The following MARCHF7 variants were observed in gnomAD, a reference collection of about 807,000 sequenced individuals.
MARCHF7 encodes membrane associated ring-CH-type finger 7.
A neutral mutation model predicts 76.5 loss-of-function variants in MARCHF7; 20 were observed. The ratio of observed to expected loss-of-function variants is 0.26; its 90% CI spans 0.18 to 0.38. The LOEUF (loss-of-function observed/expected upper bound fraction) is 0.38, where lower values mean the gene tolerates loss of function less well. MARCHF7 is among the 10% of genes least tolerant of loss of function. MARCHF7 has a pLI of 1.00. For synonymous variants in MARCHF7, 295 were observed against 293.0 expected (o/e 1.01, Z -0.07); for missense variants, 797 against 812.9 (o/e 0.98, Z 0.24).
chr2:159,764,151 A>T (rs891193705), intron 10 of MARCHF7, among the ~76,000 whole-genome samples: 1 of 150,980 alleles, frequency 6.6e-6, no homozygotes, highest in African/African-American at 2.4e-5. Flanking sequence ...GATTTTTTTT[A>T]ATGTATAGAA....
At chr2:159,764,212 TTGTGTG>T (rs377705664) in intron 10 of MARCHF7, among the ~76,000 whole-genome samples, 11,449 of 138,506 alleles carry the variant, frequency 0.083, 483 homozygotes, top group Middle Eastern at 0.2. Context: ...CTTGGGAGTT[TTGTGTG>T]TGTGTGTGTG....
intron 3 of MARCHF7, among the ~76,000 whole-genome samples, chr2:159,719,407 C>T (rs1701385886): frequency 6.6e-6 from 1 of 151,814 alleles, no homozygotes; most frequent in Admixed American, 6.6e-5. Context: ...CGCCCACTCC[C>T]AATCCCCTGA....
chr2:159,726,884 A>C (rs1702236410), intron 3 of MARCHF7, among the ~76,000 whole-genome samples: 1 of 152,218 alleles, frequency 6.6e-6, no homozygotes, highest in Non-Finnish European at 1.5e-5. Flanking sequence ...TTAGTTATAT[A>C]AATACTTACC....
chr2:159,725,918 C>A (rs6732987), intron 3 of MARCHF7, among the ~76,000 whole-genome samples: 52,385 of 151,996 alleles, frequency 0.34, 9,234 homozygotes, highest in South Asian at 0.44. Flanking sequence ...GAAATCTTAT[C>A]ACGGGTGTTT....
intron 9 of MARCHF7, among the ~76,000 whole-genome samples, chr2:159,759,888 G>A (rs1706814299): frequency 1.3e-5 from 2 of 152,202 alleles, no homozygotes; most frequent in Non-Finnish European, 2.9e-5. Context: ...TTTGAGGCCA[G>A]GAGTTTGAGA....
At chr2:159,716,412 C>T (rs976478322) in intron 3 of MARCHF7, among the ~76,000 whole-genome samples, 13 of 151,866 alleles carry the variant, frequency 8.6e-5, no homozygotes, top group South Asian at 8.3e-4. Context: ...TTTGGGAGGC[C>T]GAGACAGGCA....
chr2:159,736,790 TG>T (rs1266463857), intron 4 of MARCHF7, among the ~76,000 whole-genome samples: 2 of 152,206 alleles, frequency 1.3e-5, no homozygotes, highest in African/African-American at 4.8e-5. Flanking sequence ...TATAAAGTCT[TG>T]GAAAGTTATT....
chr2:159,766,691 GAAT>G (rs1707804435), intron 11 of MARCHF7, among the ~76,000 whole-genome samples: 1 of 152,114 alleles, frequency 6.6e-6, no homozygotes, highest in African/African-American at 2.4e-5. Context: ...GGAGACAGGG[GAAT>G]AATCTCAACA....
chr2:159,734,353 A>G (rs1277195823), intron 4 of MARCHF7, among the ~76,000 whole-genome samples: 2 of 151,774 alleles, frequency 1.3e-5, no homozygotes, highest in African/African-American at 2.4e-5. Context: ...GATAACTGCT[A>G]TAGAGATCAG....
chr2:159,713,723 A>G (rs1281690909), intron 1 of MARCHF7, among the ~76,000 whole-genome samples: 1 of 152,214 alleles, frequency 6.6e-6, no homozygotes, highest in African/African-American at 2.4e-5. Flanking sequence ...ACAGCTCTAC[A>G]GCATTTTGGG....
chr2:159,740,012 C>T (rs1437361511), intron 4 of MARCHF7, among the ~76,000 whole-genome samples: 1 of 152,122 alleles, frequency 6.6e-6, no homozygotes, highest in Non-Finnish European at 1.5e-5. Flanking sequence ...TAATGAATGG[C>T]ATAGTCATTT....
chr2:159,717,833 G>C (rs368539582), intron 3 of MARCHF7, among the ~76,000 whole-genome samples: 6 of 151,826 alleles, frequency 4.0e-5, no homozygotes, highest in African/African-American at 1.5e-4. Context: ...AATAAAAATG[G>C]CTATTTCTTT....
At chr2:159,716,586 G>A (rs1287068485) in intron 3 of MARCHF7, among the ~76,000 whole-genome samples, 3 of 152,000 alleles carry the variant, frequency 2.0e-5, no homozygotes, top group African/African-American at 7.2e-5. Flanking sequence ...GGAGGTCGAG[G>A]CTGCAGTGAT....
intron 8 of MARCHF7, among the ~76,000 whole-genome samples, chr2:159,756,894 A>T (rs963013756): frequency 1.0e-4 from 12 of 117,534 alleles, no homozygotes; most frequent in Non-Finnish European, 1.7e-4. Flanking sequence ...AATGGGAGTT[A>T]GTTTGTTTTT....
chr2:159,717,436 A>T (rs1330105020), intron 3 of MARCHF7, among the ~76,000 whole-genome samples: 1 of 152,216 alleles, frequency 6.6e-6, no homozygotes, highest in Non-Finnish European at 1.5e-5. Flanking sequence ...TTGAATGTGG[A>T]TAATAGTTGA....
chr2:159,738,347 G>A (rs536768487), intron 4 of MARCHF7, among the ~76,000 whole-genome samples: 50 of 152,266 alleles, frequency 3.3e-4, no homozygotes, highest in Middle Eastern at 6.8e-3. Flanking sequence ...CGTCCTTGTC[G>A]CCGGCAGCAT....
rs560372402 is a variant in MARCHF7 at position 159,713,697 on chromosome 2, A to G, written c.-142-860A>G. The stretch of plus-strand genomic sequence containing the variant: ...AGTTTGTTTGAGAAATGAGGTCAGT[A>G]TAATATTTTTATTTAACAGCTCTAC... On this transcript the variant is annotated intron_variant, in intron 1 of 11. Transcript: ENST00000409175. Among the ~76,000 whole-genome samples, 6 of 152,320 alleles carry G rather than the reference A, an allele frequency of 3.9e-5. No homozygotes were observed. In the South Asian group the frequency reaches 1.0e-3, roughly 26 times the overall value.
chr2:159,767,200 C>A, intron 11 of MARCHF7, 84 bp from the exon 12 acceptor site: 1 of 941,092 alleles, frequency 1.1e-6, no homozygotes, highest in Admixed American at 2.1e-5. Flanking sequence ...TTTTACAAGT[C>A]ATTGCTGTTC....
chr2:159,747,086 A>G (rs552623141), intron 6 of MARCHF7, among the ~76,000 whole-genome samples: 1 of 152,364 alleles, frequency 6.6e-6, no homozygotes, highest in East Asian at 1.9e-4. Flanking sequence ...TTCTTTGCAA[A>G]GGAATCCTGT....
Sources: gnomAD v4.1 joint callset for allele counts (sites outside exome capture counted in the v4.1 genomes callset) on GRCh38, gnomAD v4.1.1 for gene constraint, MANE v1.5 for transcripts, NCBI Gene and HGNC (gene_info 2026-07-23, HGNC 2026-07-21) for gene names.